REEP1: variants seen among roughly 807,000 people sequenced by gnomAD.
REEP1 encodes receptor expression-enhancing protein 1.
In REEP1, 22 loss-of-function variants were observed where a neutral mutation model predicts 40.3. The observed-to-expected ratio is 0.55, with a 90% CI of 0.39 to 0.78. The LOEUF is 0.78. Ranked by LOEUF, REEP1 falls within the 30% of genes least tolerant of loss-of-function variation. The pLI is 0.00. For synonymous variants in REEP1, 116 were observed against 139.2 expected (o/e 0.83, Z 1.17); for missense variants, 280 against 361.1 (o/e 0.78, Z 1.82).
chr2:86,235,164 CAGTTTGATTTCTGAGAA>C (rs1429608203), intron 5 of REEP1, among the ~76,000 whole-genome samples: 18 of 152,166 alleles, frequency 1.2e-4, no homozygotes, highest in Middle Eastern at 3.2e-3. Context: ...ACCAAAAATA[CAGTTTGATTTCTGAGAA>C]AGCGGAGAAC....
At chr2:86,243,693 G>A (rs1326222340) in intron 5 of REEP1, among the ~76,000 whole-genome samples, 1 of 152,242 alleles carries the variant, frequency 6.6e-6, no homozygotes, top group East Asian at 1.9e-4. Context: ...ATATTTGGGA[G>A]ACTGGAGGGT....
At chr2:86,238,957 C>A (rs1203712998) in intron 5 of REEP1, among the ~76,000 whole-genome samples, 4 of 152,046 alleles carry the variant, frequency 2.6e-5, no homozygotes, top group South Asian at 2.1e-4. Context: ...AGCGGAAATG[C>A]CTGCAGAAAG....
At chr2:86,304,808 A>AT (rs1679410138) in intron 1 of REEP1, among the ~76,000 whole-genome samples, 2 of 152,140 alleles carry the variant, frequency 1.3e-5, no homozygotes. Context: ...ATGCTCTCAG[A>AT]TTTTTTTCCC....
chr2:86,288,883 A>G (rs1442488807), intron 1 of REEP1, among the ~76,000 whole-genome samples: 2 of 152,124 alleles, frequency 1.3e-5, no homozygotes, highest in Non-Finnish European at 2.9e-5. Flanking sequence ...GCAACTTTTT[A>G]TGCCTTTTGG....
chr2:86,263,179 GAAGT>G (rs1035445280), intron 3 of REEP1, among the ~76,000 whole-genome samples: 2 of 152,140 alleles, frequency 1.3e-5, no homozygotes, highest in African/African-American at 4.8e-5. Flanking sequence ...TTAAAAAAAA[GAAGT>G]GTGTGTAAAA....
chr2:86,251,987 G>C lies in REEP1; in HGVS notation c.387C>G (p.Ala129=), dbSNP rs759952241. Residue 129 remains alanine, a synonymous_variant, in exon 5 of 9, where the codon GCC becomes GCG. Coordinates refer to ENST00000538924, the MANE Select transcript of REEP1 (RefSeq NM_001371279.1). The part of the protein sequence containing the change: ...VHFGKRGLNV[A]ATAAVMAASK... ...AAGCAGCCATCACAGCCGCTGTGGC[G>C]GCCACGTTCAAGCCCCGCTTCCCGA... 1 of 1,613,712 alleles carries C rather than the reference G, an allele frequency of 6.2e-7. No homozygotes were observed. Among genetic ancestry groups the C allele is most frequent in the African/African-American group, 1.3e-5 (1 of 74,878 alleles).
chr2:86,274,659 T>C (rs911989211), intron 2 of REEP1, among the ~76,000 whole-genome samples: 2 of 152,142 alleles, frequency 1.3e-5, no homozygotes, highest in African/African-American at 2.4e-5. Flanking sequence ...CCCTGCAAGA[T>C]AGGGATGAGG....
intron 1 of REEP1, among the ~76,000 whole-genome samples, chr2:86,332,494 T>C (rs565048548): frequency 1.6e-4 from 22 of 138,002 alleles, no homozygotes; most frequent in African/African-American, 5.6e-4. Flanking sequence ...CATACACTCA[T>C]ACGTACACAA....
chr2:86,312,821 C>T (rs1362648611), intron 1 of REEP1, among the ~76,000 whole-genome samples: 1 of 152,176 alleles, frequency 6.6e-6, no homozygotes, highest in Non-Finnish European at 1.5e-5. Context: ...TGTCAACAAA[C>T]ATACTTATTT....
At chr2:86,338,073 G>A, upstream of REEP1, 2 of 1,537,188 alleles carry the variant, frequency 1.3e-6, no homozygotes. Context: ...AGCACTTTCT[G>A]CATAAGAAAC....
At chr2:86,229,464 G>C (rs1380640303) in intron 6 of REEP1, among the ~76,000 whole-genome samples, 1 of 152,060 alleles carries the variant, frequency 6.6e-6, no homozygotes, top group Non-Finnish European at 1.5e-5. Context: ...CACCAGCCCG[G>C]TATAAATTGG....
chr2:86,303,217 T>G (rs1158610569), intron 1 of REEP1, among the ~76,000 whole-genome samples: 2 of 120,658 alleles, frequency 1.7e-5, no homozygotes, highest in South Asian at 2.8e-4. Flanking sequence ...TAATTGTTTT[T>G]TTTTTTTTTT....
chr2:86,292,261 T>G (rs778401143), intron 1 of REEP1, among the ~76,000 whole-genome samples: 17 of 152,338 alleles, frequency 1.1e-4, no homozygotes, highest in Non-Finnish European at 2.2e-4. Context: ...AAATTTAACT[T>G]ACCAGAGACA....
chr2:86,265,536 T>C (rs963037030), intron 2 of REEP1, among the ~76,000 whole-genome samples: 14 of 152,170 alleles, frequency 9.2e-5, no homozygotes, highest in Middle Eastern at 3.4e-3. Context: ...AGTCTATCAA[T>C]GGATGACTGA....
intron 5 of REEP1, among the ~76,000 whole-genome samples, chr2:86,235,593 T>C (rs751607741): frequency 1.3e-5 from 2 of 152,248 alleles, no homozygotes; most frequent in African/African-American, 4.8e-5. Flanking sequence ...CTAAGCTTCA[T>C]GACCCCAAGC....
At chr2:86,296,971 T>A (rs1414115908) in intron 1 of REEP1, among the ~76,000 whole-genome samples, 1 of 152,232 alleles carries the variant, frequency 6.6e-6, no homozygotes, top group Non-Finnish European at 1.5e-5. Context: ...AGGGACCGTG[T>A]TGCTCCCTCC....
chr2:86,333,436 A>G (rs952158875), intron 1 of REEP1, among the ~76,000 whole-genome samples: 3 of 152,194 alleles, frequency 2.0e-5, no homozygotes, highest in African/African-American at 4.8e-5. Context: ...ATTTTTTAAA[A>G]TGTGCAATGT....
At chr2:86,218,417 A>G (rs2103953975) in intron 8 of REEP1, among the ~76,000 whole-genome samples, 1 of 152,340 alleles carries the variant, frequency 6.6e-6, no homozygotes, top group East Asian at 1.9e-4. Context: ...GAAGTGAATG[A>G]GCCAGAAAAC....
chr2:86,231,692 G>A (rs1443952327), intron 6 of REEP1, among the ~76,000 whole-genome samples: 1 of 152,128 alleles, frequency 6.6e-6, no homozygotes, highest in African/African-American at 2.4e-5. Context: ...TGGTGATCCA[G>A]AACCGTCCCC....
Sources: gnomAD v4.1 joint callset for allele counts (sites outside exome capture counted in the v4.1 genomes callset) on GRCh38, gnomAD v4.1.1 for gene constraint, MANE v1.5 for transcripts, NCBI Gene and HGNC (gene_info 2026-07-23, HGNC 2026-07-21) for gene names.